Variants in STAM2 observed in about 807,000 individuals in gnomAD.
STAM2 encodes signal transducing adapter molecule 2.
STAM2 carries 51 observed loss-of-function variants against 65.6 expected under a neutral mutation model. That is an observed-to-expected ratio of 0.78 (90% CI 0.62 to 0.98). The LOEUF (loss-of-function observed/expected upper bound fraction) is 0.98, where lower values mean the gene tolerates loss of function less well. Ranked by LOEUF, STAM2 falls within the 50% of genes least tolerant of loss-of-function variation. STAM2 has a pLI of 0.00. For synonymous variants in STAM2, 198 were observed against 208.4 expected (o/e 0.95, Z 0.43); for missense variants, 584 against 617.8 (o/e 0.95, Z 0.58).
chr2:152,171,622 G>A (rs1689900194), intron 1 of STAM2, among the ~76,000 whole-genome samples: 1 of 152,130 alleles, frequency 6.6e-6, no homozygotes, highest in South Asian at 2.1e-4. Flanking sequence ...GCTACTTCCT[G>A]GTCAACTTCT....
At chr2:152,139,275 G>A (rs1431207149) in intron 7 of STAM2, among the ~76,000 whole-genome samples, 2 of 152,170 alleles carry the variant, frequency 1.3e-5, no homozygotes, top group Admixed American at 1.3e-4. Flanking sequence ...TGATACAAGT[G>A]TAAAGAACAT....
intron 1 of STAM2, among the ~76,000 whole-genome samples, chr2:152,151,327 G>A (rs1436557749): frequency 6.6e-6 from 1 of 151,958 alleles, no homozygotes; most frequent in Admixed American, 6.6e-5. Flanking sequence ...GACTACAGGC[G>A]CCTGCCACCA....
At chr2:152,123,367 G>T (rs1261364997) in intron 13 of STAM2, among the ~76,000 whole-genome samples, 1 of 152,078 alleles carries the variant, frequency 6.6e-6, no homozygotes, top group Non-Finnish European at 1.5e-5. Context: ...GGGAGACTCT[G>T]TCTCAAAAAA....
intron 11 of STAM2, chr2:152,131,760 T>A (rs554097373): frequency 4.1e-4 from 96 of 232,684 alleles, no homozygotes; most frequent in Non-Finnish European, 7.2e-4. Context: ...CTGCTGTCCA[T>A]CACTACAGTG....
intron 13 of STAM2, among the ~76,000 whole-genome samples, chr2:152,121,185 G>A (rs1688847776): frequency 1.3e-5 from 2 of 152,150 alleles, no homozygotes; most frequent in Admixed American, 6.5e-5. Context: ...TGTTGCCCAG[G>A]ATGGTCTCAA....
At chr2:152,150,046 C>T in intron 2 of STAM2, 99 bp downstream of exon 2, 1 of 797,568 alleles carries the variant, frequency 1.3e-6, no homozygotes, top group Non-Finnish European at 2.1e-6. Context: ...CAAGGGTCAA[C>T]TGTGATAAAG....
chr2:152,161,229 G>A (rs1689668644), intron 1 of STAM2, among the ~76,000 whole-genome samples: 1 of 151,414 alleles, frequency 6.6e-6, no homozygotes, highest in Non-Finnish European at 1.5e-5. Flanking sequence ...AACATGTGCT[G>A]TGTCCACTCA....
At chr2:152,133,297 A>G in intron 9 of STAM2, 37 bp from the exon 10 acceptor site, 1 of 1,560,216 alleles carries the variant, frequency 6.4e-7, no homozygotes, top group African/African-American at 1.4e-5. Context: ...AAAACTCAAG[A>G]GTTTTAACTT....
At chr2:152,174,477 T>C (rs1689971845) in intron 1 of STAM2, among the ~76,000 whole-genome samples, 1 of 152,226 alleles carries the variant, frequency 6.6e-6, no homozygotes, top group South Asian at 2.1e-4. Context: ...TTGAACTATT[T>C]ACATATATTA....
At chr2:152,148,461 T>C (rs528449524) in intron 2 of STAM2, among the ~76,000 whole-genome samples, 161 bp from the exon 3 acceptor site, 28 of 152,236 alleles carry the variant, frequency 1.8e-4, no homozygotes, top group Admixed American at 3.3e-4. Context: ...CTTGAGCCCA[T>C]GAATTTGAGA....
At chr2:152,121,721 A>G (rs923083780) in intron 13 of STAM2, among the ~76,000 whole-genome samples, 1 of 152,160 alleles carries the variant, frequency 6.6e-6, no homozygotes, top group Non-Finnish European at 1.5e-5. Context: ...TTGTTCCTAT[A>G]ACTACTGTGG....
At chr2:152,137,729 T>C (rs1347499679) in intron 7 of STAM2, among the ~76,000 whole-genome samples, 14 of 152,028 alleles carry the variant, frequency 9.2e-5, no homozygotes, top group Admixed American at 8.5e-4. Flanking sequence ...GTTTTAGTTT[T>C]TTTATTTTTT....
chr2:152,147,960 G>T, intron 4 of STAM2, 64 bp downstream of exon 4: 1 of 1,221,292 alleles, frequency 8.2e-7, no homozygotes, highest in South Asian at 1.3e-5. Context: ...GCCACATATA[G>T]TTATAATGAC....
At chr2:152,133,796 C>T (rs1689106990) in intron 8 of STAM2, among the ~76,000 whole-genome samples, 1 of 152,128 alleles carries the variant, frequency 6.6e-6, no homozygotes, top group Admixed American at 6.5e-5. Flanking sequence ...ACAATATAAA[C>T]AGCAGCTGAC....
At chr2:152,125,229 T>C (rs569075960) in intron 12 of STAM2, among the ~76,000 whole-genome samples, 125 of 152,328 alleles carry the variant, frequency 8.2e-4, no homozygotes, top group Non-Finnish European at 6.8e-4. Context: ...CAAAGGTCTT[T>C]TGCAGCCAGA....
At chr2:152,156,181 T>G (rs911785988) in intron 1 of STAM2, among the ~76,000 whole-genome samples, 2 of 152,206 alleles carry the variant, frequency 1.3e-5, no homozygotes, top group African/African-American at 4.8e-5. Context: ...AGACTATTGT[T>G]TATTTAATTT....
chr2:152,121,777 G>C (rs1487964388), intron 13 of STAM2, among the ~76,000 whole-genome samples: 2 of 152,054 alleles, frequency 1.3e-5, no homozygotes, highest in Non-Finnish European at 2.9e-5. Context: ...GGAAGCGGTG[G>C]CTCACACCTG....
In STAM2 at chr2:152,150,165, T is replaced by G; in HGVS notation, c.105A>C (p.Lys35Asn). ...DWSLIMDICD[K>N]VGSTPNGAKD... The stretch of plus-strand genomic sequence containing the variant: ...CTTACCCATTAGGAGTACTTCCAAC[T>G]TTGTCACATATGTCCATAATAAGAC... The change falls in exon 2 of 14, where the codon AAA (lysine) becomes AAC (asparagine). Residue 35 changes from lysine (K) to asparagine (N), a missense_variant. Coordinates refer to ENST00000263904, the MANE Select transcript of STAM2 (RefSeq NM_005843.6). 6.2e-7 allele frequency: 1 copy of G among 1,613,306 alleles called. No individual in the cohort carries two copies. Among genetic ancestry groups the G allele is most frequent in the Non-Finnish European group, 8.5e-7 (1 of 1,179,392 alleles).
intron 7 of STAM2, 91 bp from the exon 8 acceptor site, chr2:152,135,694 A>C: frequency 1.2e-6 from 1 of 807,646 alleles, no homozygotes; most frequent in Non-Finnish European, 2.0e-6. Flanking sequence ...GCCTCCTTTG[A>C]ATATATCCGT....
Sources: allele counts gnomAD v4.1 joint callset (sites outside exome capture counted in the v4.1 genomes callset), GRCh38; gene constraint gnomAD v4.1.1; transcripts MANE v1.5; gene names NCBI Gene and HGNC (gene_info 2026-07-23, HGNC 2026-07-21).